The following ALG11 variants were observed in gnomAD, a reference collection of about 807,000 sequenced individuals.
ALG11 encodes the protein ALG11 alpha-1,2-mannosyltransferase, also known as GDP-Man:Man(3)GlcNAc(2)-PP-Dol alpha-1,2-mannosyltransferase.
A neutral mutation model predicts 38.8 loss-of-function variants in ALG11; 26 were observed. That is an observed-to-expected ratio of 0.67 (90% confidence interval 0.49 to 0.93). The LOEUF is 0.93. Ranked by LOEUF, ALG11 falls within the 40% of genes least tolerant of loss-of-function variation. ALG11 has a pLI of 0.00. For missense variants in ALG11, 535 were observed against 578.8 expected (o/e 0.92, Z 0.78); for synonymous variants, 199 against 211.6 (o/e 0.94, Z 0.52).
Position 52,030,152 on chromosome 13 carries a change from A to G in ALG11, c.*1562A>G, listed in dbSNP as rs199839315. The stretch of plus-strand genomic sequence containing the variant: ...AAGCAGTCAAGAAACAAAAGATTCT[A>G]GCAGCCAGGAGGTGCTGTCCGAATT... On this transcript the variant is annotated 3_prime_UTR_variant, in exon 4 of 4. Coordinates refer to ENST00000521508, the MANE Select transcript of ALG11 (RefSeq NM_001004127.3). The G allele has an allele frequency of 5.7e-5, 92 of 1,614,110 alleles. No individual in the cohort carries two copies. Among genetic ancestry groups the G allele is most frequent in the Non-Finnish European group, 7.7e-5 (91 of 1,180,046 alleles).
At chr13:52,019,171 T>G (rs772243140) in intron 2 of ALG11, 28 bp downstream of exon 2, 1 of 1,549,460 alleles carries the variant, frequency 6.5e-7, no homozygotes, top group Non-Finnish European at 8.9e-7. Context: ...TTAGCTAATT[T>G]GCTATATTGT....
At position 52,033,152 on chromosome 13, in the gene ALG11, A is replaced by G. The variant is rs1430521327; in HGVS notation, c.*4562A>G. The G allele has an allele frequency of 1.2e-5, 2 of 166,936 alleles. No individual in the cohort carries two copies. The highest frequency in any genetic ancestry group is 6.5e-5 in the Admixed American group (1 of 15,272). 10.3% of individuals were successfully genotyped at this position (166,936 alleles called of 1,614,324 possible). On this transcript the variant is annotated 3_prime_UTR_variant, in exon 4 of 4. Coordinates refer to ENST00000521508, the MANE Select transcript of ALG11 (RefSeq NM_001004127.3). Reference sequence around the variant, plus strand: ...CCTAATTTGGTATTACATGTATTCTATTTTTTTCTGAATGATAGCATGAAA... The same window carrying G: ...CCTAATTTGGTATTACATGTATTCTGTTTTTTTCTGAATGATAGCATGAAA...
chr13:52,021,063 GATA>G (rs1010259259), intron 2 of ALG11: 1 of 152,116 alleles, frequency 6.6e-6, no homozygotes, highest in Admixed American at 6.5e-5. Flanking sequence ...AGAGAGACAA[GATA>G]ATAAGCAAAG....
chr13:52,016,573 A>C (rs1334025478), intron 1 of ALG11: 1 of 152,284 alleles, frequency 6.6e-6, no homozygotes, highest in Non-Finnish European at 1.5e-5. Context: ...GCCGTGGCTG[A>C]AAGGGGCCAA....
chr13:52,031,955 T>G lies in ALG11; in HGVS notation c.*3365T>G. 1 of 166,340 alleles carries G rather than the reference T, an allele frequency of 6.0e-6. No individual in the cohort carries two copies. The allele number at this position is 166,340 out of a possible 1,614,324, so 10.3% of individuals were successfully genotyped here. On this transcript the variant is annotated 3_prime_UTR_variant, in exon 4 of 4. Transcript: ENST00000521508. ...CGACAGTTAAGGGCTGGGTGCGGTGTCTCACACCTGTAATCCCAGCACTTT... is the reference window on the plus strand; with the variant it reads ...CGACAGTTAAGGGCTGGGTGCGGTGGCTCACACCTGTAATCCCAGCACTTT...
rs1954287108 is a variant in ALG11 at position 52,030,238 on chromosome 13, A to G, written c.*1648A>G. 6.2e-7 allele frequency: 1 copy of G among 1,614,264 alleles called. No individual in the cohort carries two copies. Among genetic ancestry groups the G allele is most frequent in the African/African-American group, 1.3e-5 (1 of 75,074 alleles). The stretch of plus-strand genomic sequence containing the variant: ...AGTCCAGGAAGCAAAAAGCAAGTTC[A>G]GAGGGGACTGTTCCCCAGGTCCAGA... On this transcript the variant is annotated 3_prime_UTR_variant, in exon 4 of 4. Coordinates refer to ENST00000521508, the MANE Select transcript of ALG11 (RefSeq NM_001004127.3).
In ALG11 at chr13:52,012,558, C is replaced by T. The variant is rs1174555379; in HGVS notation, c.44+96C>T. The stretch of plus-strand genomic sequence containing the variant: ...TAAATTTTGCGGGCAAATGGCCTTC[C>T]TTGTCATGAATCTAAGGTAATTTCT... On this transcript the variant is annotated intron_variant, in intron 1 of 3. Transcript: ENST00000521508. 2.6e-6 allele frequency: 4 copies of T among 1,531,210 alleles called. No homozygotes were observed. In the Admixed American group the frequency reaches 5.3e-5, roughly 20 times the overall value. 94.9% of individuals were successfully genotyped at this position (1,531,210 alleles called of 1,614,324 possible).
rs760311283 is a variant in ALG11 at position 52,029,373 on chromosome 13, T to A, written c.*783T>A. The A allele has an allele frequency of 1.2e-6, 2 of 1,613,900 alleles. No individual in the cohort carries two copies. The highest frequency in any genetic ancestry group is 1.7e-6 in the Non-Finnish European group (2 of 1,179,996). ...CCCCTGGAGCAGGAAATTTTTAACC[T>A]CCTCCATAAGAACAAGCAGCCAGTG... is the stretch of plus-strand genomic sequence containing the variant. On this transcript the variant is annotated 3_prime_UTR_variant, in exon 4 of 4. Transcript: ENST00000521508.
chr13:52,024,649 G>T lies in ALG11; in HGVS notation c.919G>T (p.Gly307Cys). ...CCCAGGACATTTGCTGGTTTCTGTT[G>T]GCCAGTTTAGGCCGGAAAAGAATCA... The part of the protein sequence containing the change: ...MTPGHLLVSV[G>C]QFRPEKNHPL... The change falls in exon 3 of 4, where the codon GGC becomes TGC. Residue 307 changes from glycine (G) to cysteine (C), a missense_variant. Physicochemically the swap from Gly to Cys is radical, Grantham distance 159 (BLOSUM62 -3). Transcript: ENST00000521508. 1 of 1,613,926 alleles carries T rather than the reference G, an allele frequency of 6.2e-7. No homozygotes were observed. The highest frequency in any genetic ancestry group is 8.5e-7 in the Non-Finnish European group (1 of 1,179,880).
chr13:52,019,241 A>G (rs1261992974), intron 2 of ALG11, 98 bp downstream of exon 2: 31 of 626,036 alleles, frequency 5.0e-5, no homozygotes, highest in African/African-American at 3.0e-4. Flanking sequence ...TTTTTTTTTG[A>G]GACAGAGTCT....
At position 52,029,058 on chromosome 13, in the gene ALG11, G is replaced by T. The variant is rs3742289; in HGVS notation, c.*468G>T. On this transcript the variant is annotated 3_prime_UTR_variant, in exon 4 of 4. Coordinates refer to ENST00000521508, the MANE Select transcript of ALG11 (RefSeq NM_001004127.3). ...TCTGAAGGATCAGGAGAAAAGCTGG[G>T]CCTTGCAGATCTGCTTGAGCCCGTT... The T allele has an allele frequency of 0.68, 1,094,370 of 1,614,010 alleles. 374,382 individuals carry two copies. Among genetic ancestry groups the T allele is most frequent in the Non-Finnish European group, 0.71 (831,964 of 1,179,986 alleles).
Position 52,030,804 on chromosome 13 carries a change from T to A in ALG11, c.*2214T>A. ...AAAGATAAGAATTTGCCAAATGTGA[T>A]TATCAGTGAGAAGCGCAACATCCAC... On this transcript the variant is annotated 3_prime_UTR_variant, in exon 4 of 4. Transcript: ENST00000521508. 6.2e-7 allele frequency: 1 copy of A among 1,614,180 alleles called. No homozygotes were observed. Among genetic ancestry groups the A allele is most frequent in the Non-Finnish European group, 8.5e-7 (1 of 1,180,034 alleles).
At chr13:52,026,775 G>C (rs910866373) in intron 3 of ALG11, among the ~76,000 whole-genome samples, 1 of 152,178 alleles carries the variant, frequency 6.6e-6, no homozygotes, top group Non-Finnish European at 1.5e-5. Context: ...GAGGGCATGC[G>C]TCCAGGAGGT....
chr13:52,015,020 AGATTTGTTCACAATAGGAACAAATGAG>A (rs1490198420), intron 1 of ALG11, among the ~76,000 whole-genome samples: 2 of 152,320 alleles, frequency 1.3e-5, no homozygotes, highest in Middle Eastern at 3.4e-3. Context: ...ATCCCACATG[AGATTTGTTCACAATAGGAACAAATGAG>A]GATTTGTTCA....
chr13:52,029,636 G>A lies in ALG11; in HGVS notation c.*1046G>A, dbSNP rs1749478038. ...GCTACAGAAGGTTAATCCAACTGTG[G>A]CACTGGAAGAAATGGAAAAAATTGA... is the stretch of plus-strand genomic sequence containing the variant. On this transcript the variant is annotated 3_prime_UTR_variant, in exon 4 of 4. Transcript: ENST00000521508. The A allele has an allele frequency of 6.2e-7, 1 of 1,614,120 alleles. No homozygotes were observed. The highest frequency in any genetic ancestry group is 2.2e-5 in the East Asian group (1 of 44,894).
chr13:52,016,536 T>A (rs1243466834), intron 1 of ALG11: 1 of 152,238 alleles, frequency 6.6e-6, no homozygotes, highest in African/African-American at 2.4e-5. Flanking sequence ...GCCTAGGGAC[T>A]TGGTACCCTG....
chr13:52,029,946 A>G lies in ALG11; in HGVS notation c.*1356A>G, dbSNP rs573479454. ...TGGATGTTCAGGAGCTGCACCAGTGACACCAAAGAGGCTGCAACACAGGAG... is the reference window on the plus strand; with the variant it reads ...TGGATGTTCAGGAGCTGCACCAGTGGCACCAAAGAGGCTGCAACACAGGAG... On this transcript the variant is annotated 3_prime_UTR_variant, in exon 4 of 4. Transcript: ENST00000521508. The G allele has an allele frequency of 2.8e-5, 46 of 1,614,218 alleles. 2 individuals are homozygous for G. The African/African-American group carries it at 2.9e-4, about 10-fold the overall frequency.
At chr13:52,014,085 T>C (rs1347607402) in intron 1 of ALG11, among the ~76,000 whole-genome samples, 1 of 152,182 alleles carries the variant, frequency 6.6e-6, no homozygotes, top group East Asian at 1.9e-4. Flanking sequence ...AAGTTAAATA[T>C]ATTTTAAACA....
chr13:52,028,227 C>T (rs760485531), intron 3 of ALG11, 92 bp from the exon 4 acceptor site: 11 of 1,455,224 alleles, frequency 7.6e-6, no homozygotes, highest in Non-Finnish European at 1.1e-5. Flanking sequence ...CTCATAAGTC[C>T]CTTAAATTTT....
Sources: allele counts gnomAD v4.1 joint callset (sites outside exome capture counted in the v4.1 genomes callset), GRCh38; gene constraint gnomAD v4.1.1; transcripts MANE v1.5; gene names NCBI Gene and HGNC (gene_info 2026-07-23, HGNC 2026-07-21).